The following ALMS1 variants were observed in gnomAD, a reference collection of about 807,000 sequenced individuals.
ALMS1 encodes ALMS1 centrosome and basal body associated protein, also known as centrosome-associated protein ALMS1.
Under a neutral mutation model 352.2 loss-of-function variants are expected in ALMS1, and 271 were observed. That is an observed-to-expected ratio of 0.77 (90% CI 0.70 to 0.85). The LOEUF (loss-of-function observed/expected upper bound fraction) is 0.85. ALMS1 is among the 40% of genes least tolerant of loss of function. The pLI, the probability that ALMS1 is intolerant of heterozygous loss-of-function variation, is 0.00. For missense variants in ALMS1, 5,445 were observed against 4,870.7 expected (o/e 1.12, Z -3.51); for synonymous variants, 1,865 against 1,761.2 (o/e 1.06, Z -1.48).
rs1312935635 is a variant in ALMS1, at chr2:73,386,072, A to G, written c.204A>G (p.Ile68Met). ...ACGGGCCCCAGCATCTGGAAAGTAT[A>G]GACGACGAGGAGGACGAGGAGGCCA... Reference protein sequence around the residue: ...SHYGPQHLESIDDEEDEEAKA... With the variant: ...SHYGPQHLESMDDEEDEEAKA... The change falls in exon 1 of 23, where the codon ATA (isoleucine) becomes ATG (methionine). Residue 68 changes from isoleucine to methionine, a missense_variant. Transcript: ENST00000613296. The G allele has an allele frequency of 1.9e-6, 3 of 1,595,948 alleles. No homozygotes were observed. The East Asian group carries it at 6.8e-5, about 36-fold the overall frequency.
intron 9 of ALMS1, among the ~76,000 whole-genome samples, chr2:73,486,987 C>T (rs1009836793): frequency 1.8e-4 from 28 of 152,154 alleles, no homozygotes; most frequent in African/African-American, 5.5e-4. Flanking sequence ...CCTGGGAGGT[C>T]GTGGCTTCAG....
intron 21 of ALMS1, among the ~76,000 whole-genome samples, chr2:73,606,527 A>C (rs1012803199): frequency 1.6e-4 from 24 of 152,378 alleles, no homozygotes; most frequent in Non-Finnish European, 2.2e-4. Context: ...TTCGACGAGA[A>C]ATATATGAGT....
intron 7 of ALMS1, among the ~76,000 whole-genome samples, chr2:73,441,748 A>G (rs1330806193): frequency 6.6e-6 from 1 of 151,934 alleles, no homozygotes; most frequent in South Asian, 2.1e-4. Flanking sequence ...GGAGGTCCTT[A>G]GCTAGTCTGC....
intron 9 of ALMS1, among the ~76,000 whole-genome samples, chr2:73,464,099 G>T (rs1672270562): frequency 6.6e-6 from 1 of 152,220 alleles, no homozygotes; most frequent in Admixed American, 6.5e-5. Context: ...ATTTTATGAG[G>T]CCAGCATCAT....
At chr2:73,601,162 A>G (rs1015061807) in intron 18 of ALMS1, 33 bp from the exon 19 acceptor site, 5 of 1,613,616 alleles carry the variant, frequency 3.1e-6, no homozygotes, top group South Asian at 2.2e-5. Context: ...AAAGTGAAAA[A>G]TCTGTGTTCC....
In ALMS1 at chr2:73,448,261, G is replaced by T; in HGVS notation, c.1734G>T (p.Arg578Ser). The T allele has an allele frequency of 2.5e-6, 4 of 1,612,488 alleles. No individual in the cohort carries two copies. Among genetic ancestry groups the T allele is most frequent in the Non-Finnish European group, 1.7e-6 (2 of 1,179,434 alleles). ...TACTCTCTAGTTCCCACTCACATAG[G>T]GGGAAGCCCAGCATTTTCTACCAGC... Reference protein sequence around the residue: ...PTVLSSSHSHRGKPSIFYQQG... With the variant: ...PTVLSSSHSHSGKPSIFYQQG... Residue 578 changes from arginine to serine, a missense_variant, in exon 8 of 23, where the codon AGG becomes AGT. Physicochemically the swap from Arg to Ser is moderately radical, Grantham distance 110. Transcript: ENST00000613296.
At chr2:73,516,011 A>G (rs764353929) in intron 10 of ALMS1, among the ~76,000 whole-genome samples, 1 of 152,172 alleles carries the variant, frequency 6.6e-6, no homozygotes, top group African/African-American at 2.4e-5. Flanking sequence ...TAAATGAACA[A>G]CGTACAGAAT....
chr2:73,429,246 C>G (rs1428910211), intron 6 of ALMS1, among the ~76,000 whole-genome samples: 1 of 143,386 alleles, frequency 7.0e-6, no homozygotes, highest in Non-Finnish European at 1.5e-5. Context: ...TTTCTTTCTC[C>G]TTTTTCTTGG....
intron 2 of ALMS1, among the ~76,000 whole-genome samples, chr2:73,415,758 A>G (rs959984193): frequency 6.6e-6 from 1 of 152,302 alleles, no homozygotes; most frequent in South Asian, 2.1e-4. Flanking sequence ...GATTGGATTC[A>G]TGCAAGGAGA....
At chr2:73,520,060 T>C (rs1407171001) in intron 11 of ALMS1, 44 bp downstream of exon 11, 1 of 1,612,766 alleles carries the variant, frequency 6.2e-7, no homozygotes, top group African/African-American at 1.3e-5. Flanking sequence ...ACCAGCTCTT[T>C]TGTGTAGTTA....
chr2:73,479,338 C>T (rs1672647767), intron 9 of ALMS1, among the ~76,000 whole-genome samples: 1 of 152,152 alleles, frequency 6.6e-6, no homozygotes, highest in Non-Finnish European at 1.5e-5. Flanking sequence ...TACAAAGGTG[C>T]CTCATGATAC....
intron 13 of ALMS1, among the ~76,000 whole-genome samples, chr2:73,552,937 A>C (rs1267808935): frequency 2.0e-5 from 3 of 152,220 alleles, no homozygotes; most frequent in Non-Finnish European, 4.4e-5. Flanking sequence ...TTGTCCCCAA[A>C]GTTTCAACAT....
intron 13 of ALMS1, 147 bp from the exon 14 acceptor site, chr2:73,557,073 G>A: frequency 9.3e-7 from 1 of 1,071,220 alleles, no homozygotes; most frequent in Non-Finnish European, 1.4e-6. Flanking sequence ...TCATGTCACA[G>A]TTTTTACACA....
intron 7 of ALMS1, among the ~76,000 whole-genome samples, chr2:73,443,970 T>C (rs181996132): frequency 1.1e-3 from 172 of 152,322 alleles, no homozygotes; most frequent in Non-Finnish European, 2.2e-3. Context: ...CTTTATGTTT[T>C]TTGGTGGGTA....
chr2:73,492,410 A>T (rs1673010168), intron 10 of ALMS1, among the ~76,000 whole-genome samples: 1 of 152,158 alleles, frequency 6.6e-6, no homozygotes, highest in Non-Finnish European at 1.5e-5. Context: ...CTATTTTCCT[A>T]CTGGGAAATC....
At chr2:73,483,018 A>C (rs1672747874) in intron 9 of ALMS1, among the ~76,000 whole-genome samples, 2 of 152,228 alleles carry the variant, frequency 1.3e-5, no homozygotes, top group South Asian at 4.1e-4. Flanking sequence ...CCTTTCAAAA[A>C]ACCAGCTCCT....
At chr2:73,388,790 C>A (rs1398263348) in intron 1 of ALMS1, among the ~76,000 whole-genome samples, 2 of 152,064 alleles carry the variant, frequency 1.3e-5, no homozygotes, top group Non-Finnish European at 2.9e-5. Flanking sequence ...AACATATGAG[C>A]ACAGATTTTT....
At chr2:73,480,548 G>A (rs1324602002) in intron 9 of ALMS1, among the ~76,000 whole-genome samples, 1 of 151,946 alleles carries the variant, frequency 6.6e-6, no homozygotes, top group African/African-American at 2.4e-5. Flanking sequence ...GTGTGCATGT[G>A]TCTTTATAGC....
Position 73,449,764 on chromosome 2 carries a change from C to T in ALMS1, c.3237C>T (p.Phe1079=), listed in dbSNP as rs776919172. 1.2e-6 allele frequency: 2 copies of T among 1,613,970 alleles called. No individual in the cohort carries two copies. The highest frequency in any genetic ancestry group is 1.6e-4 in the Middle Eastern group (1 of 6,062). Reference sequence around the variant, plus strand: ...AAGAGAGTCTGAAAGTTTCAGCCTTCCCTGGACCAGCTGACCAGATGACTG... The same window carrying T: ...AAGAGAGTCTGAAAGTTTCAGCCTTTCCTGGACCAGCTGACCAGATGACTG... ...LPEESLKVSA[F]PGPADQMTDT... The change falls in exon 8 of 23, where the codon TTC becomes TTT. Residue 1079 remains phenylalanine (F), a synonymous_variant. Coordinates refer to ENST00000613296, the MANE Select transcript of ALMS1 (RefSeq NM_001378454.1).
Sources: allele counts gnomAD v4.1 joint callset (sites outside exome capture counted in the v4.1 genomes callset), GRCh38; gene constraint gnomAD v4.1.1; transcripts MANE v1.5; gene names NCBI Gene and HGNC (gene_info 2026-07-23, HGNC 2026-07-21).